The following KCNMB4 variants were observed in gnomAD, a reference collection of about 807,000 sequenced individuals.
KCNMB4 encodes the protein potassium calcium-activated channel subfamily M regulatory beta subunit 4, also known as calcium-activated potassium channel subunit beta-4.
Under a neutral mutation model 20.7 loss-of-function variants are expected in KCNMB4, and 3 were observed. That is an observed-to-expected ratio of 0.14 (90% CI 0.07 to 0.37). KCNMB4 has a LOEUF of 0.37. Ranked by LOEUF, KCNMB4 falls within the 10% of genes least tolerant of loss-of-function variation. The pLI, the probability that KCNMB4 is intolerant of heterozygous loss-of-function variation, is 1.00. For missense variants in KCNMB4, 168 were observed against 265.9 expected (o/e 0.63, Z 2.56); for synonymous variants, 110 against 113.4 (o/e 0.97, Z 0.19).
chr12:70,371,879 G>A (rs76288142), intron 1 of KCNMB4, among the ~76,000 whole-genome samples: 16,945 of 152,210 alleles, frequency 0.11, 1,246 homozygotes, highest in Middle Eastern at 0.22. Context: ...AGAAATAAAT[G>A]TATAATGCCA....
intron 2 of KCNMB4, among the ~76,000 whole-genome samples, chr12:70,401,502 A>G (rs1868448949): frequency 6.6e-6 from 1 of 152,150 alleles, no homozygotes; most frequent in Admixed American, 6.5e-5. Flanking sequence ...TAATCTTTCT[A>G]ACACATGAGT....
chr12:70,390,118 A>G (rs1482351420), intron 1 of KCNMB4, among the ~76,000 whole-genome samples: 1 of 152,236 alleles, frequency 6.6e-6, no homozygotes, highest in Non-Finnish European at 1.5e-5. Context: ...TTGCTCATCC[A>G]TCAAAACTGA....
At position 70,366,995 on chromosome 12, in the gene KCNMB4, C is replaced by A; in HGVS notation, c.261C>A (p.Val87=). Reference sequence around the variant, plus strand: ...CCTCGCAGTACCCCTGCGTCCAGGTCTACGTGAACAACTCTGAGTCCAACT... The same window carrying A: ...CCTCGCAGTACCCCTGCGTCCAGGTATACGTGAACAACTCTGAGTCCAACT... ...RGTSQYPCVQ[V]YVNNSESNSR... is the part of the protein sequence containing the mutation. Residue 87 remains valine (V), a synonymous_variant, in exon 1 of 3, where the codon GTC becomes GTA. Transcript: ENST00000258111. The A allele has an allele frequency of 1.2e-5, 19 of 1,603,670 alleles. No homozygotes were observed. Among genetic ancestry groups the A allele is most frequent in the Non-Finnish European group, 1.6e-5 (19 of 1,174,542 alleles).
intron 2 of KCNMB4, among the ~76,000 whole-genome samples, chr12:70,404,889 C>A (rs1209336338): frequency 6.6e-6 from 1 of 152,086 alleles, no homozygotes; most frequent in African/African-American, 2.4e-5. Flanking sequence ...GGCGCACAAG[C>A]TGTAGTTGAA....
intron 2 of KCNMB4, among the ~76,000 whole-genome samples, chr12:70,424,760 AAG>A (rs1491564467): frequency 7.4e-5 from 11 of 147,944 alleles, no homozygotes; most frequent in Non-Finnish European, 4.5e-5. Context: ...CAAAAAAAAA[AAG>A]AATACTACAA....
chr12:70,410,195 T>C (rs940441133), intron 2 of KCNMB4, among the ~76,000 whole-genome samples: 10 of 152,214 alleles, frequency 6.6e-5, no homozygotes, highest in African/African-American at 2.4e-4. Context: ...TGTGCCTCAG[T>C]TTCCTTTGCA....
rs1248235809 is a variant in KCNMB4, at chr12:70,393,237, C to T, written c.337-6972C>T. On this transcript the variant is annotated intron_variant, in intron 1 of 2. Coordinates refer to ENST00000258111, the MANE Select transcript of KCNMB4 (RefSeq NM_014505.6). ...TTTATTTTTGAGAAAGAGTCTCACT[C>T]TGTCGCCCAGACTGGAGTGCAGTGG... is the stretch of plus-strand genomic sequence containing the variant. Among the ~76,000 whole-genome samples, 6 of 152,160 alleles carry T rather than the reference C, an allele frequency of 3.9e-5. 1 individual carries two copies. Among genetic ancestry groups the T allele is most frequent in the Admixed American group, 3.9e-4 (6 of 15,262 alleles).
chr12:70,381,697 T>A (rs974824100), intron 1 of KCNMB4, among the ~76,000 whole-genome samples: 1 of 152,154 alleles, frequency 6.6e-6, no homozygotes, highest in East Asian at 1.9e-4. Flanking sequence ...GAAAGTAGAT[T>A]AGTGGTTGCC....
At position 70,382,432 on chromosome 12, in the gene KCNMB4, C is replaced by CAA. The variant is rs397796979; in HGVS notation, c.336+15386_336+15387dup. 2.4e-3 allele frequency among the ~76,000 whole-genome samples: 214 copies of CAA among 87,528 alleles called. 1 individual carries two copies. The highest frequency in any genetic ancestry group is 2.9e-3 in the African/African-American group (67 of 23,178). The allele number at this position is 87,528 out of a possible 152,430, so 57.4% of individuals were successfully genotyped here. ...TGGGCGACAGAACGAGACTCCGTCT[C>CAA]AAAAAAAAAAAAAAAAAAAAAAAAA... On this transcript the variant is annotated intron_variant, in intron 1 of 2. Transcript: ENST00000258111.
intron 2 of KCNMB4, among the ~76,000 whole-genome samples, chr12:70,425,387 G>C (rs968345847): frequency 6.6e-6 from 1 of 152,162 alleles, no homozygotes; most frequent in African/African-American, 2.4e-5. Context: ...GCAGTGAGCC[G>C]AGATCGGGCC....
At chr12:70,408,541 G>A (rs1868676606) in intron 2 of KCNMB4, among the ~76,000 whole-genome samples, 1 of 152,064 alleles carries the variant, frequency 6.6e-6, no homozygotes, top group African/African-American at 2.4e-5. Context: ...CTGTATTCCA[G>A]TGTTGAGTCT....
intron 2 of KCNMB4, 49 bp from the exon 3 acceptor site, chr12:70,430,436 G>A (rs1331073665): frequency 6.2e-7 from 1 of 1,600,230 alleles, no homozygotes. Flanking sequence ...GTTTTTCAGT[G>A]CCAAGGCATT....
At position 70,430,823 on chromosome 12, in the gene KCNMB4, C is replaced by T; in HGVS notation, c.*170C>T. ...ACAGGCACAACTGGAAGACTTGGAA[C>T]CTCAAAGCTTGTATTCCATCTGCTG... is the stretch of plus-strand genomic sequence containing the variant. On this transcript the variant is annotated 3_prime_UTR_variant, in exon 3 of 3. Coordinates refer to ENST00000258111, the MANE Select transcript of KCNMB4 (RefSeq NM_014505.6). 1 of 587,520 alleles carries T rather than the reference C, an allele frequency of 1.7e-6. No individual in the cohort carries two copies. The highest frequency in any genetic ancestry group is 2.7e-5 in the South Asian group (1 of 37,162). 36.4% of individuals were successfully genotyped at this position (587,520 alleles called of 1,614,324 possible).
intron 2 of KCNMB4, among the ~76,000 whole-genome samples, chr12:70,404,059 C>T (rs1323371823): frequency 6.6e-6 from 1 of 152,106 alleles, no homozygotes; most frequent in Non-Finnish European, 1.5e-5. Context: ...GAAGACTGAA[C>T]ATTGAGGTGG....
At chr12:70,376,023 T>A (rs539598447) in intron 1 of KCNMB4, among the ~76,000 whole-genome samples, 1 of 152,092 alleles carries the variant, frequency 6.6e-6, no homozygotes, top group South Asian at 2.1e-4. Flanking sequence ...ATTCCAGGAA[T>A]GCAAGTTTGG....
intron 2 of KCNMB4, among the ~76,000 whole-genome samples, chr12:70,410,805 A>C (rs1868752460): frequency 6.6e-6 from 1 of 151,788 alleles, no homozygotes; most frequent in Non-Finnish European, 1.5e-5. Flanking sequence ...AACAACACAA[A>C]AAAAAGGAAG....
chr12:70,401,429 G>T (rs1259485798), intron 2 of KCNMB4, among the ~76,000 whole-genome samples: 4 of 152,092 alleles, frequency 2.6e-5, no homozygotes, highest in Admixed American at 6.5e-5. Flanking sequence ...CAATAGTCTT[G>T]TAACAAGTCT....
chr12:70,405,722 T>C lies in KCNMB4; in HGVS notation c.464+5386T>C, dbSNP rs542947017. 2.0e-4 allele frequency among the ~76,000 whole-genome samples: 30 copies of C among 152,240 alleles called. 1 individual carries two copies. The highest frequency in any genetic ancestry group is 7.0e-4 in the African/African-American group (29 of 41,538). Reference sequence around the variant, plus strand: ...CCTTTTACCACAGCAGTATTCACAATAGCCAAGATGTGGAAACAACCTAAA... The same window carrying C: ...CCTTTTACCACAGCAGTATTCACAACAGCCAAGATGTGGAAACAACCTAAA... On this transcript the variant is annotated intron_variant, in intron 2 of 2. Coordinates refer to ENST00000258111, the MANE Select transcript of KCNMB4 (RefSeq NM_014505.6).
At chr12:70,371,118 A>T (rs1330734259) in intron 1 of KCNMB4, among the ~76,000 whole-genome samples, 1 of 152,112 alleles carries the variant, frequency 6.6e-6, no homozygotes, top group Non-Finnish European at 1.5e-5. Context: ...CAGCCTCCCA[A>T]AGTGCTGGGA....
Sources: allele counts gnomAD v4.1 joint callset (sites outside exome capture counted in the v4.1 genomes callset), GRCh38; gene constraint gnomAD v4.1.1; transcripts MANE v1.5; gene names NCBI Gene and HGNC (gene_info 2026-07-23, HGNC 2026-07-21).